Variants in ARID2 observed in about 807,000 individuals in gnomAD.
ARID2 encodes AT-rich interaction domain 2, also known as AT-rich interactive domain-containing protein 2.
In ARID2, 32 loss-of-function variants were observed where a neutral mutation model predicts 184.6. The ratio of observed to expected loss-of-function variants is 0.17; its 90% CI spans 0.13 to 0.23. ARID2 has a LOEUF of 0.23. ARID2 is among the 10% of genes least tolerant of loss of function. ARID2 has a pLI of 1.00. For missense variants in ARID2, 1,696 were observed against 2,197.6 expected, an observed-to-expected ratio of 0.77 and a Z score of 4.56; for synonymous variants, 836 against 772.6, an observed-to-expected ratio of 1.08 and a Z score of -1.36.
In ARID2 at chr12:45,772,552, A is replaced by G. The variant is rs142387221; in HGVS notation, c.285-38866A>G. Among the ~76,000 whole-genome samples the G allele has an allele frequency of 3.3e-5, 5 of 152,334 alleles. No homozygotes were observed. The East Asian group carries it at 5.8e-4, about 18-fold the overall frequency. On this transcript the variant is annotated intron_variant, in intron 3 of 20. Transcript: ENST00000334344. ...ATGGATTGAAAATAAAAGGATGACA[A>G]AAGATTTATTATGCAAATTATAACC...
At position 45,906,758 on chromosome 12, in the gene ARID2, A is replaced by C. The variant is rs1464242876; in HGVS notation, c.*1680A>C. ...AGTATTTATTTTTCATCTTGTTATA[A>C]TGCAGAGCAAATGTAGAGAACAGCA... On this transcript the variant is annotated 3_prime_UTR_variant, in exon 21 of 21. Coordinates refer to ENST00000334344, the MANE Select transcript of ARID2 (RefSeq NM_152641.4). The C allele has an allele frequency of 2.2e-5, 5 of 231,964 alleles. No homozygotes were observed. Among genetic ancestry groups the C allele is most frequent in the Non-Finnish European group, 3.4e-5 (4 of 117,366 alleles). 14.4% of individuals were successfully genotyped at this position (231,964 alleles called of 1,614,324 possible).
intron 16 of ARID2, among the ~76,000 whole-genome samples, chr12:45,861,580 CTTTTT>C (rs11303020): frequency 1.0e-5 from 1 of 97,002 alleles, no homozygotes; most frequent in Non-Finnish European, 2.0e-5. Context: ...AGGCATTTGT[CTTTTT>C]TTTTTTTTTT....
intron 20 of ARID2, among the ~76,000 whole-genome samples, chr12:45,899,008 T>G (rs1029593106): frequency 6.6e-6 from 1 of 151,362 alleles, no homozygotes; most frequent in Non-Finnish European, 1.5e-5. Context: ...GCGTGGTGGC[T>G]CATGCCTGTA....
At chr12:45,899,331 G>A (rs1186117947) in intron 20 of ARID2, among the ~76,000 whole-genome samples, 5 of 149,092 alleles carry the variant, frequency 3.4e-5, no homozygotes, top group Non-Finnish European at 5.9e-5. Context: ...CAGGCTGGGC[G>A]TGGTGGCTCA....
chr12:45,745,976 A>G (rs1182942678), intron 3 of ARID2, among the ~76,000 whole-genome samples: 1 of 151,958 alleles, frequency 6.6e-6, no homozygotes, highest in Non-Finnish European at 1.5e-5. Flanking sequence ...TAAAGCTTAT[A>G]TATTTGATAG....
At chr12:45,778,638 T>A (rs1054765888) in intron 3 of ARID2, among the ~76,000 whole-genome samples, 2 of 152,050 alleles carry the variant, frequency 1.3e-5, no homozygotes, top group African/African-American at 4.8e-5. Context: ...AGTAAGAAAA[T>A]CAGTGTTTTC....
At chr12:45,893,280 A>C (rs1944326799) in intron 18 of ARID2, 140 bp from the exon 19 acceptor site, 7 of 995,926 alleles carry the variant, frequency 7.0e-6, no homozygotes, top group Non-Finnish European at 8.4e-6. Flanking sequence ...CGTTAATGCT[A>C]GACCATTGGA....
chr12:45,815,662 CT>C (rs1343606048), intron 4 of ARID2, among the ~76,000 whole-genome samples: 1 of 151,546 alleles, frequency 6.6e-6, no homozygotes, highest in Non-Finnish European at 1.5e-5. Context: ...CCGAAATATT[CT>C]TTTGTTATTG....
intron 11 of ARID2, among the ~76,000 whole-genome samples, chr12:45,843,541 A>AT (rs1268758855): frequency 3.3e-5 from 5 of 151,608 alleles, no homozygotes; most frequent in Non-Finnish European, 7.4e-5. Flanking sequence ...TAATTTTTGT[A>AT]TTTTTTTAAT....
chr12:45,735,841 A>C (rs1486038437), intron 3 of ARID2, among the ~76,000 whole-genome samples: 1 of 152,210 alleles, frequency 6.6e-6, no homozygotes, highest in East Asian at 1.9e-4. Flanking sequence ...TAAGACAGAT[A>C]GTTTTCACTG....
At chr12:45,752,259 G>C (rs957371758) in intron 3 of ARID2, among the ~76,000 whole-genome samples, 1 of 152,110 alleles carries the variant, frequency 6.6e-6, no homozygotes, top group Non-Finnish European at 1.5e-5. Context: ...TTTTGGCATA[G>C]GATTGAACCT....
intron 20 of ARID2, among the ~76,000 whole-genome samples, chr12:45,899,745 A>ATATATGGT (rs1944431261): frequency 6.9e-6 from 1 of 145,772 alleles, no homozygotes; most frequent in African/African-American, 2.5e-5. Context: ...ATGGTTTTAT[A>ATATATGGT]TATATATATA....
intron 4 of ARID2, among the ~76,000 whole-genome samples, chr12:45,813,779 T>G (rs1259993825): frequency 1.3e-5 from 2 of 152,130 alleles, no homozygotes; most frequent in Admixed American, 1.3e-4. Flanking sequence ...CCAATAACTT[T>G]AAGTGGCAAA....
At chr12:45,871,895 C>T (rs1016099256) in intron 16 of ARID2, among the ~76,000 whole-genome samples, 1 of 152,126 alleles carries the variant, frequency 6.6e-6, no homozygotes, top group African/African-American at 2.4e-5. Context: ...AATATGTGAG[C>T]ATAGAGATAT....
intron 3 of ARID2, among the ~76,000 whole-genome samples, chr12:45,794,278 A>G (rs550094121): frequency 6.6e-6 from 1 of 152,282 alleles, no homozygotes; most frequent in South Asian, 2.1e-4. Context: ...CTTCTTCACA[A>G]TTTTAGGGAT....
intron 3 of ARID2, among the ~76,000 whole-genome samples, chr12:45,735,758 G>T (rs578191154): frequency 6.6e-6 from 1 of 152,162 alleles, no homozygotes; most frequent in Non-Finnish European, 1.5e-5. Context: ...GCTCAGCTAG[G>T]TTAGTGTTAT....
At chr12:45,888,790 A>G (rs1349256842) in intron 16 of ARID2, among the ~76,000 whole-genome samples, 1 of 152,204 alleles carries the variant, frequency 6.6e-6, no homozygotes, top group Non-Finnish European at 1.5e-5. Flanking sequence ...TGTACACATC[A>G]AAGGGGGATC....
At chr12:45,736,726 A>C (rs2137971463) in intron 3 of ARID2, among the ~76,000 whole-genome samples, 1 of 152,350 alleles carries the variant, frequency 6.6e-6, no homozygotes, top group Non-Finnish European at 1.5e-5. Flanking sequence ...CTAGTTTTCC[A>C]GAAATGTTAA....
At chr12:45,749,419 A>G (rs1023504485) in intron 3 of ARID2, among the ~76,000 whole-genome samples, 1 of 152,216 alleles carries the variant, frequency 6.6e-6, no homozygotes, top group African/African-American at 2.4e-5. Context: ...GAGTACAGAC[A>G]GAGTAGATTT....
Sources: allele counts gnomAD v4.1 joint callset (sites outside exome capture counted in the v4.1 genomes callset), GRCh38; gene constraint gnomAD v4.1.1; transcripts MANE v1.5; gene names NCBI Gene and HGNC (gene_info 2026-07-23, HGNC 2026-07-21).